MEGF8: variants seen among roughly 807,000 people sequenced by gnomAD.
The protein encoded by MEGF8 is multiple EGF like domains 8.
In MEGF8, 156 loss-of-function variants were observed where a neutral mutation model predicts 302.9. The observed-to-expected ratio is 0.52, with a 90% confidence interval of 0.45 to 0.59. The LOEUF is 0.59. MEGF8 is among the 20% of genes least tolerant of loss of function. The pLI, the probability that MEGF8 is intolerant of heterozygous loss-of-function variation, is 0.00. For synonymous variants in MEGF8, 1,621 were observed against 1,660.5 expected (o/e 0.98, Z 0.58); for missense variants, 3,345 against 3,964.5 (o/e 0.84, Z 4.20).
At chr19:42,362,955 G>C in intron 34 of MEGF8, 93 bp from the exon 35 acceptor site, 1 of 1,090,044 alleles carries the variant, frequency 9.2e-7, no homozygotes, top group Non-Finnish European at 1.3e-6. Flanking sequence ...TAAGGGAGGA[G>C]GGGCTGGGCC....
intron 31 of MEGF8, 129 bp from the exon 32 acceptor site, chr19:42,360,646 T>G: frequency 1.4e-6 from 2 of 1,479,180 alleles, no homozygotes; most frequent in Non-Finnish European, 1.8e-6. Flanking sequence ...CCCTTGGCCT[T>G]GTTTCTGCTG....
In MEGF8 at chr19:42,376,112, C is replaced by T. The variant is rs572813671; in HGVS notation, c.7875C>T (p.Pro2625=). The T allele has an allele frequency of 2.6e-5, 41 of 1,606,852 alleles. No individual in the cohort carries two copies. The African/African-American group carries it at 2.7e-4, about 10-fold the overall frequency. ...TGGGCGTGGGAGACCCAAGTGGGCC[C>T]GGCGCCAACGGCTCAGCCGACTCGC... ...LLLGVGDPSG[P]GANGSADSQG... Residue 2625 remains proline (P), a synonymous_variant, in exon 42 of 42, where the codon CCC becomes CCT. Coordinates refer to ENST00000251268, the MANE Select transcript of MEGF8 (RefSeq NM_001271938.2). This position sits in a 1 kb window ranked among gnomAD's most constrained non-coding sequence, Gnocchi z 8.2.
chr19:42,375,578 G>A lies in MEGF8; in HGVS notation c.7341G>A (p.Val2447=), dbSNP rs1206393019. The A allele has an allele frequency of 6.9e-6, 11 of 1,597,722 alleles. No individual in the cohort carries two copies. Among genetic ancestry groups the A allele is most frequent in the Admixed American group, 1.7e-5 (1 of 57,708 alleles). Residue 2447 remains valine, a synonymous_variant, in exon 42 of 42, where the codon GTG becomes GTA. Transcript: ENST00000251268. The surrounding 1 kb of genome is among the most constrained non-coding windows in gnomAD (Gnocchi z 7.1). ...AGCAGTGCTACCGCCTCATCTCGGTGGAGCAGGAGTGCTGCCTGGACCCCA... is the reference window on the plus strand; with the variant it reads ...AGCAGTGCTACCGCCTCATCTCGGTAGAGCAGGAGTGCTGCCTGGACCCCA... The part of the protein sequence containing the change: ...GGQQCYRLIS[V]EQECCLDPTS...
chr19:42,328,567 AGTGT>A (rs113567438), intron 1 of MEGF8, among the ~76,000 whole-genome samples: 2 of 146,598 alleles, frequency 1.4e-5, no homozygotes, highest in Non-Finnish European at 3.0e-5. Context: ...CAGAATAGGA[AGTGT>A]GTGTGTGTGT....
At position 42,358,692 on chromosome 19, in the gene MEGF8, T is replaced by G. The variant is rs2039487419; in HGVS notation, c.5176-95T>G. 1.4e-6 allele frequency: 2 copies of G among 1,395,916 alleles called. No individual in the cohort carries two copies. The highest frequency in any genetic ancestry group is 1.9e-6 in the Non-Finnish European group (2 of 1,051,794). The allele number at this position is 1,395,916 out of a possible 1,614,324, so 86.5% of individuals were successfully genotyped here. On this transcript the variant is annotated intron_variant, in intron 29 of 41. Transcript: ENST00000251268. The surrounding 1 kb of genome is among the most constrained non-coding windows in gnomAD (Gnocchi z 4.4). ...GCACTGGTTAGAGAGGCTGGTGGTT[T>G]CAGTCCACACGTTTCCAAGCCCGTC...
In MEGF8 at chr19:42,353,040, C is replaced by T; in HGVS notation, c.3463C>T (p.Pro1155Ser). 6.4e-7 allele frequency: 1 copy of T among 1,554,378 alleles called. No homozygotes were observed. The highest frequency in any genetic ancestry group is 8.7e-7 in the Non-Finnish European group (1 of 1,149,316). Residue 1155 changes from proline (P) to serine (S), a missense_variant, in exon 20 of 42, where the codon CCA (proline) becomes TCA (serine). Pro to Ser is a moderately conservative substitution (Grantham distance 74, BLOSUM62 -1). Transcript: ENST00000251268. The surrounding 1 kb of genome is among the most constrained non-coding windows in gnomAD (Gnocchi z 6.1). ...LPPPTPAPGPPAPRCSRDCGC... is the reference protein window; with the variant it reads ...LPPPTPAPGPSAPRCSRDCGC... The stretch of plus-strand genomic sequence containing the variant: ...CCCTCCCACACCCGCCCCGGGTCCG[C>T]CAGCCCCCCGCTGCTCCCGGGACTG...
intron 40 of MEGF8, among the ~76,000 whole-genome samples, 164 bp downstream of exon 40, chr19:42,370,995 G>A (rs1331387495): frequency 3.3e-5 from 5 of 150,968 alleles, no homozygotes; most frequent in Non-Finnish European, 7.4e-5. Flanking sequence ...GGTCAGGGTA[G>A]GGAAGGAGCT....
rs750766731 is a variant in MEGF8, at chr19:42,356,841, T to C, written c.4690T>C (p.Ser1564Pro). The C allele has an allele frequency of 5.7e-6, 9 of 1,566,240 alleles. No individual in the cohort carries two copies. In the East Asian group the frequency reaches 2.1e-4, roughly 37 times the overall value. ...AGCCGAGGACGGGGGCCCAGGCCCA[T>C]CGCCCCGCTCCTTCCATGCAGCCGC... ...AGAEDGGPGP[S>P]PRSFHAAAYV... The change falls in exon 27 of 42, where the codon TCG (serine) becomes CCG (proline). Residue 1564 changes from serine (S) to proline (P), a missense_variant. By Grantham distance (74) the Ser-to-Pro change is moderately conservative. Transcript: ENST00000251268. The surrounding 1 kb of genome is among the most constrained non-coding windows in gnomAD (Gnocchi z 5.2).
In MEGF8 at chr19:42,358,726, A is replaced by G. The variant is rs969429856; in HGVS notation, c.5176-61A>G. 4 of 1,458,274 alleles carry G rather than the reference A, an allele frequency of 2.7e-6. No individual in the cohort carries two copies. The highest frequency in any genetic ancestry group is 2.8e-5 in the Admixed American group (1 of 35,716). The allele number at this position is 1,458,274 out of a possible 1,614,324, so 90.3% of individuals were successfully genotyped here. On this transcript the variant is annotated intron_variant, in intron 29 of 41. Transcript: ENST00000251268. This position sits in a 1 kb window ranked among gnomAD's most constrained non-coding sequence, Gnocchi z 4.4. Reference sequence around the variant, plus strand: ...ACGTTTCCAAGCCCGTCTTGGAGGCAGGGGGCTAGAAGCAAGAGACTCGAG... The same window carrying G: ...ACGTTTCCAAGCCCGTCTTGGAGGCGGGGGGCTAGAAGCAAGAGACTCGAG...
In MEGF8 at chr19:42,369,533, T is replaced by C. The variant is rs1381383504; in HGVS notation, c.6644T>C (p.Met2215Thr). The change falls in exon 38 of 42, where the codon ATG becomes ACG. Residue 2215 changes from methionine to threonine, a missense_variant and splice_region_variant. By Grantham distance (81) the Met-to-Thr change is moderately conservative. Transcript: ENST00000251268. This position sits in a 1 kb window ranked among gnomAD's most constrained non-coding sequence, Gnocchi z 5.7. ...TGACCCCCACTTTGCCCCTGCAGCA[T>C]GACAGGGCTGTGCCGCCCTGTGTGC... ...SCKTGYTMDNMTGLCRPVCAQ... is the reference protein window; with the variant it reads ...SCKTGYTMDNTTGLCRPVCAQ... 1 of 1,605,626 alleles carries C rather than the reference T, an allele frequency of 6.2e-7. No homozygotes were observed. Among genetic ancestry groups the C allele is most frequent in the South Asian group, 1.1e-5 (1 of 90,916 alleles).
chr19:42,337,045 C>T, intron 7 of MEGF8, 39 bp from the exon 8 acceptor site: 4 of 1,613,132 alleles, frequency 2.5e-6, no homozygotes, highest in African/African-American at 1.3e-5. Context: ...CCCCACCTCC[C>T]CTAGGCTTGC....
chr19:42,341,276 A>G (rs748320951), intron 8 of MEGF8, among the ~76,000 whole-genome samples: 1 of 152,054 alleles, frequency 6.6e-6, no homozygotes. Context: ...CTAAAAATAC[A>G]AAAATTAGCT....
chr19:42,334,319 C>G (rs1217859477), intron 3 of MEGF8, 106 bp downstream of exon 3: 3 of 1,054,842 alleles, frequency 2.8e-6, no homozygotes, highest in Non-Finnish European at 4.0e-6. Context: ...ACTCCCCCCA[C>G]CACCCCACCC....
rs1408404220 is a variant in MEGF8 at position 42,353,445 on chromosome 19, A to G, written c.3551-20A>G. Reference sequence around the variant, plus strand: ...TCCACCCTTGACTTGACTCTGTCCCACCTGCTGGGGCCTCCACAGACTGGA... The same window carrying G: ...TCCACCCTTGACTTGACTCTGTCCCGCCTGCTGGGGCCTCCACAGACTGGA... On this transcript the variant is annotated intron_variant, in intron 20 of 41. Transcript: ENST00000251268. The surrounding 1 kb of genome is among the most constrained non-coding windows in gnomAD (Gnocchi z 6.1). 1 of 1,607,204 alleles carries G rather than the reference A, an allele frequency of 6.2e-7. No individual in the cohort carries two copies. The highest frequency in any genetic ancestry group is 8.5e-7 in the Non-Finnish European group (1 of 1,178,230).
At chr19:42,333,551 G>A in intron 1 of MEGF8, 54 bp from the exon 2 acceptor site, 1 of 1,555,886 alleles carries the variant, frequency 6.4e-7, no homozygotes. Context: ...GCTGCAGGGA[G>A]GTGTGGGGAG....
rs2147470822 is a variant in MEGF8 at position 42,348,455 on chromosome 19, C to T, written c.2281C>T (p.Pro761Ser). ...LHVLARMARG[P>S]DTENMEEVGR... The stretch of plus-strand genomic sequence containing the variant: ...CGTCCTGGCCCGGATGGCCCGTGGC[C>T]CTGACACGGAGAACATGGTGAGGCC... Residue 761 changes from proline to serine, a missense_variant, in exon 13 of 42, where the codon CCT becomes TCT. Physicochemically the swap from Pro to Ser is moderately conservative, Grantham distance 74. Transcript: ENST00000251268. The T allele has an allele frequency of 6.6e-7, 1 of 1,522,588 alleles. No homozygotes were observed. Among genetic ancestry groups the T allele is most frequent in the South Asian group, 1.2e-5 (1 of 83,312 alleles). The allele number at this position is 1,522,588 out of a possible 1,614,324, so 94.3% of individuals were successfully genotyped here.
intron 13 of MEGF8, 97 bp downstream of exon 13, chr19:42,348,569 A>G: frequency 8.4e-7 from 1 of 1,191,486 alleles, no homozygotes; most frequent in Non-Finnish European, 1.1e-6. Flanking sequence ...GTTCTGGGGA[A>G]GGGCTGGGGA....
chr19:42,374,325 G>A (rs2039734554), intron 41 of MEGF8, among the ~76,000 whole-genome samples: 1 of 152,048 alleles, frequency 6.6e-6, no homozygotes, highest in Non-Finnish European at 1.5e-5. Flanking sequence ...ACAAAAATTA[G>A]TTGGGTGTGG....
rs1321978791 is a variant in MEGF8, at chr19:42,350,284, C to T, written c.2636C>T (p.Ala879Val). The change falls in exon 15 of 42, where the codon GCC (alanine) becomes GTC (valine). Residue 879 changes from alanine (A) to valine (V), a missense_variant. Transcript: ENST00000251268. ...SATCHLRQGGAHCGDDGAGGS... is the reference protein window; with the variant it reads ...SATCHLRQGGVHCGDDGAGGS... ...ACCTGCCACCTGCGCCAGGGCGGAG[C>T]CCATTGCGGGGATGACGGGGCTGGT... 1.2e-6 allele frequency: 2 copies of T among 1,610,394 alleles called. No individual in the cohort carries two copies. The highest frequency in any genetic ancestry group is 1.7e-6 in the Non-Finnish European group (2 of 1,179,786).
Sources: gnomAD v4.1 joint callset for allele counts (sites outside exome capture counted in the v4.1 genomes callset) on GRCh38, gnomAD v4.1.1 for gene constraint, Gnocchi (gnomAD v3.1) non-coding constraint, MANE v1.5 for transcripts, NCBI Gene and HGNC (gene_info 2026-07-23, HGNC 2026-07-21) for gene names.